PLXND1: variants seen among roughly 807,000 people sequenced by gnomAD.
PLXND1 encodes plexin D1.
A neutral mutation model predicts 197.7 loss-of-function variants in PLXND1; 54 were observed. The ratio of observed to expected loss-of-function variants is 0.27; its 90% CI spans 0.22 to 0.34. PLXND1 has a LOEUF of 0.34. PLXND1 is among the 10% of genes least tolerant of loss of function. The pLI, the probability that PLXND1 is intolerant of heterozygous loss-of-function variation, is 1.00. For missense variants in PLXND1, 2,127 were observed against 2,699.2 expected (o/e 0.79, Z 4.70); for synonymous variants, 1,180 against 1,161.2 (o/e 1.02, Z -0.33).
intron 1 of PLXND1, among the ~76,000 whole-genome samples, chr3:129,603,179 G>A (rs1232630729): frequency 1.3e-5 from 2 of 152,238 alleles, no homozygotes; most frequent in African/African-American, 4.8e-5. Flanking sequence ...AACACAGGGA[G>A]GGTGACCAAG....
intron 34 of PLXND1, 70 bp from the exon 35 acceptor site, chr3:129,556,761 G>T: frequency 8.8e-7 from 1 of 1,137,536 alleles, no homozygotes; most frequent in Non-Finnish European, 1.3e-6. Flanking sequence ...AGCAAAGCCA[G>T]CTGCTTGCAC....
intron 10 of PLXND1, 52 bp downstream of exon 10, chr3:129,575,714 C>G: frequency 7.3e-7 from 1 of 1,372,464 alleles, no homozygotes; most frequent in Non-Finnish European, 1.0e-6. Context: ...GGTACAGCAT[C>G]TGGACTTAAC....
chr3:129,571,551 C>G lies in PLXND1; in HGVS notation c.3294G>C (p.Gln1098His). 2 of 1,613,782 alleles carry G rather than the reference C, an allele frequency of 1.2e-6. No homozygotes were observed. The highest frequency in any genetic ancestry group is 1.7e-5 in the Admixed American group (1 of 60,034). The change falls in exon 17 of 36, where the codon CAG (glutamine) becomes CAC (histidine). Residue 1098 changes from glutamine (Q) to histidine (H), a missense_variant. Gln to His is a conservative substitution (Grantham distance 24). Around this residue, in one of 6 missense-constraint regions of PLXND1, gnomAD observed 532 missense variants for 811.0 expected, o/e 0.66. Transcript: ENST00000324093. ...TVAGERFHMV[Q>H]NVSMAVHHIG... ...TGTGGTGGACGGCCATGGACACATT[C>G]TGCACCATGTGGAAACGCTCACCAG...
At chr3:129,592,102 T>TC (rs1241168250) in intron 1 of PLXND1, among the ~76,000 whole-genome samples, 2 of 151,608 alleles carry the variant, frequency 1.3e-5, no homozygotes, top group African/African-American at 4.8e-5. Flanking sequence ...AGGAAGCCAT[T>TC]CCCCCCCACC....
chr3:129,556,671 G>A lies in PLXND1; in HGVS notation c.5607C>T (p.Asn1869=), dbSNP rs143389124. 8.5e-5 allele frequency: 137 copies of A among 1,612,780 alleles called. No homozygotes were observed. The highest frequency in any genetic ancestry group is 3.5e-4 in the Admixed American group (21 of 59,916). Residue 1869 remains asparagine, a synonymous_variant, in exon 35 of 36, where the codon AAC becomes AAT. Transcript: ENST00000324093. ...EESRKYQNEF[N]TNVAMAEIYK... ...AAATCTCTGCCATGGCCACATTGGTGTTGAACTCATTCTGGTATTTCTATA... is the reference window on the plus strand; with the variant it reads ...AAATCTCTGCCATGGCCACATTGGTATTGAACTCATTCTGGTATTTCTATA...
chr3:129,573,000 C>A, intron 13 of PLXND1, 59 bp from the exon 14 acceptor site: 1 of 1,237,684 alleles, frequency 8.1e-7, no homozygotes, highest in East Asian at 2.4e-5. Context: ...ACCCTAGAGC[C>A]AGGCTCAGGG....
Position 129,575,660 on chromosome 3 carries a change from G to A in PLXND1, c.2437-98C>T, listed in dbSNP as rs2085302567. ...AGGCAGATGAAGTTGGGGCTGCTGGGGATGGGGGAACCAGAAGGTAGAGAG... is the reference window on the plus strand; with the variant it reads ...AGGCAGATGAAGTTGGGGCTGCTGGAGATGGGGGAACCAGAAGGTAGAGAG... On this transcript the variant is annotated intron_variant, in intron 10 of 35. Coordinates refer to ENST00000324093, the MANE Select transcript of PLXND1 (RefSeq NM_015103.3). 5.1e-5 allele frequency: 63 copies of A among 1,235,086 alleles called. No homozygotes were observed. The South Asian group carries it at 8.0e-4, about 16-fold the overall frequency. 76.5% of individuals were successfully genotyped at this position (1,235,086 alleles called of 1,614,324 possible). A position where few individuals can be genotyped will look rare whatever the true frequency, so the allele number is the denominator to read the frequency against.
chr3:129,575,607 G>A, intron 10 of PLXND1, 45 bp from the exon 11 acceptor site: 2 of 1,411,298 alleles, frequency 1.4e-6, no homozygotes, highest in South Asian at 1.2e-5. Context: ...GGCAATGCCT[G>A]GGGCTCTGCT....
chr3:129,589,905 C>T lies in PLXND1; in HGVS notation c.1312-378G>A, dbSNP rs1003428733. 2.6e-5 allele frequency among the ~76,000 whole-genome samples: 4 copies of T among 152,160 alleles called. No individual in the cohort carries two copies. The East Asian group carries it at 7.7e-4, about 29-fold the overall frequency. ...CAGCTGGGAAGAGCAGAGGAGTCCA[C>T]ACCAGATGACCGGAGGCCACCGTCA... On this transcript the variant is annotated intron_variant, in intron 1 of 35. Transcript: ENST00000324093.
intron 20 of PLXND1, among the ~76,000 whole-genome samples, 166 bp from the exon 21 acceptor site, chr3:129,567,971 G>A (rs972703520): frequency 1.3e-5 from 2 of 151,536 alleles, no homozygotes; most frequent in African/African-American, 4.9e-5. Context: ...GGGGAGTTGC[G>A]GGGAGCTCTC....
In PLXND1 at chr3:129,558,741, G is replaced by T. The variant is rs1019546584; in HGVS notation, c.5298-166C>A. 3 of 631,596 alleles carry T rather than the reference G, an allele frequency of 4.7e-6. No homozygotes were observed. The highest frequency in any genetic ancestry group is 8.1e-6 in the Non-Finnish European group (3 of 368,172). The allele number at this position is 631,596 out of a possible 1,614,324, so 39.1% of individuals were successfully genotyped here. A position where few individuals can be genotyped will look rare whatever the true frequency, so the allele number is the denominator to read the frequency against. On this transcript the variant is annotated intron_variant, in intron 32 of 35. Coordinates refer to ENST00000324093, the MANE Select transcript of PLXND1 (RefSeq NM_015103.3). This position sits in a 1 kb window ranked among gnomAD's most constrained non-coding sequence, Gnocchi z 4.1. ...TTAGTTTGCCTATCCCTGGCCAGCT[G>T]GGGTGCAGTGGGGCTGAGAGCCCGG...
Position 129,555,648 on chromosome 3 carries a change from G to A in PLXND1, c.*664C>T, listed in dbSNP as rs2084963238. On this transcript the variant is annotated 3_prime_UTR_variant, in exon 36 of 36. Coordinates refer to ENST00000324093, the MANE Select transcript of PLXND1 (RefSeq NM_015103.3). ...TAACCCCTCTCCTTTTCCTGGAGAC[G>A]GGGCTCCCAGCTCCTGTGCCCCCCA... 9.1e-6 allele frequency: 5 copies of A among 546,580 alleles called. No individual in the cohort carries two copies. Among genetic ancestry groups the A allele is most frequent in the South Asian group, 4.8e-5 (2 of 41,596 alleles). 33.9% of individuals were successfully genotyped at this position (546,580 alleles called of 1,614,324 possible).
At chr3:129,560,462 C>T (rs372116283) in intron 30 of PLXND1, 28 bp from the exon 31 acceptor site, 43 of 1,485,074 alleles carry the variant, frequency 2.9e-5, no homozygotes, top group Non-Finnish European at 3.6e-5. Flanking sequence ...GGTCAGTGTC[C>T]GCACCAGGCC....
At chr3:129,588,348 C>T (rs10934888) in intron 2 of PLXND1, among the ~76,000 whole-genome samples, 14,243 of 151,524 alleles carry the variant, frequency 0.094, 890 homozygotes, top group East Asian at 0.25. Context: ...ACTGCAGCCT[C>T]ATGGGTGTCG....
rs981202516 is a variant in PLXND1 at position 129,592,163 on chromosome 3, G to A, written c.1312-2636C>T. Among the ~76,000 whole-genome samples, 5 of 151,846 alleles carry A rather than the reference G, an allele frequency of 3.3e-5. No individual in the cohort carries two copies. In the South Asian group the frequency reaches 8.3e-4, roughly 25 times the overall value. On this transcript the variant is annotated intron_variant, in intron 1 of 35. Coordinates refer to ENST00000324093, the MANE Select transcript of PLXND1 (RefSeq NM_015103.3). ...TCTCAGTGCCAGCCCTGACCTACCC[G>A]ACTCCATCCTGTGTGTGTTACAGTT...
intron 35 of PLXND1, 70 bp downstream of exon 35, chr3:129,556,547 C>T (rs773863726): frequency 4.6e-5 from 63 of 1,362,348 alleles, no homozygotes; most frequent in Admixed American, 2.5e-4. Flanking sequence ...GGCAAGCACC[C>T]TGAGATGTGT....
chr3:129,566,132 C>A, intron 23 of PLXND1, 115 bp from the exon 24 acceptor site: 1 of 1,056,966 alleles, frequency 9.5e-7, no homozygotes, highest in Admixed American at 2.0e-5. Flanking sequence ...AGCTCATTAC[C>A]TTCCACGGTG....
chr3:129,577,232 T>TA lies in PLXND1; in HGVS notation c.2346+1096_2346+1097insT, dbSNP rs2108781714. Among the ~76,000 whole-genome samples, 1 of 152,242 alleles carries TA rather than the reference T, an allele frequency of 6.6e-6. No individual in the cohort carries two copies. Among genetic ancestry groups the TA allele is most frequent in the East Asian group, 1.9e-4 (1 of 5,178 alleles). ...GCAAACAGGCCCCCACCGCTGGGCCTGACTTCAGTGTTCTAGGAGCAGGCC... is the reference window on the plus strand; with the variant it reads ...GCAAACAGGCCCCCACCGCTGGGCCTAGACTTCAGTGTTCTAGGAGCAGGCC... On this transcript the variant is annotated intron_variant, in intron 9 of 35. Coordinates refer to ENST00000324093, the MANE Select transcript of PLXND1 (RefSeq NM_015103.3). The surrounding 1 kb of genome is among the most constrained non-coding windows in gnomAD (Gnocchi z 5.0).
rs926454275 is a variant in PLXND1 at position 129,555,377 on chromosome 3, T to G, written c.*935A>C. On this transcript the variant is annotated 3_prime_UTR_variant, in exon 36 of 36. Transcript: ENST00000324093. The stretch of plus-strand genomic sequence containing the variant: ...AGGGTCGTTTCTGGCAGGAACGGAG[T>G]GGGTGGTAGTCTCAGGCGCCAGGGG... The G allele has an allele frequency of 3.7e-5, 23 of 614,720 alleles. No homozygotes were observed. Among genetic ancestry groups the G allele is most frequent in the Non-Finnish European group, 1.7e-5 (6 of 350,572 alleles). The allele number at this position is 614,720 out of a possible 1,614,324, so 38.1% of individuals were successfully genotyped here. A position where few individuals can be genotyped will look rare whatever the true frequency, so the allele number is the denominator to read the frequency against.
Sources: gnomAD v4.1 joint callset for allele counts (sites outside exome capture counted in the v4.1 genomes callset) on GRCh38, gnomAD v4.1.1 for gene constraint, gnomAD v4.1.1 regional missense constraint, Gnocchi (gnomAD v3.1) non-coding constraint, MANE v1.5 for transcripts, NCBI Gene and HGNC (gene_info 2026-07-23, HGNC 2026-07-21) for gene names.